DLG1: variants seen among roughly 807,000 people sequenced by gnomAD.
The protein encoded by DLG1 is disks large homolog 1.
Under a neutral mutation model 123.4 loss-of-function variants are expected in DLG1, and 42 were observed. The ratio of observed to expected loss-of-function variants is 0.34; its 90% CI spans 0.27 to 0.44. The LOEUF (loss-of-function observed/expected upper bound fraction) is 0.44, where lower values mean the gene tolerates loss of function less well. Among genes scored for constraint, DLG1 ranks in the 20% least tolerant of loss-of-function variants. DLG1 has a pLI of 1.00. For missense variants in DLG1, 942 were observed against 1,082.6 expected, an observed-to-expected ratio of 0.87 and a Z score of 1.82; for synonymous variants, 317 against 356.2, an observed-to-expected ratio of 0.89 and a Z score of 1.24.
intron 4 of DLG1, among the ~76,000 whole-genome samples, chr3:197,219,863 C>T (rs1378292640): frequency 6.6e-6 from 1 of 152,148 alleles, no homozygotes; most frequent in Non-Finnish European, 1.5e-5. Flanking sequence ...GGAAATCTCG[C>T]CGGCACTTTG....
chr3:197,221,189 C>A (rs1561527417), intron 4 of DLG1, among the ~76,000 whole-genome samples: 1 of 152,142 alleles, frequency 6.6e-6, no homozygotes, highest in Non-Finnish European at 1.5e-5. Context: ...ACTTTTGCTT[C>A]TGAAGGCTGG....
At chr3:197,156,253 T>A (rs1331760248) in intron 5 of DLG1, among the ~76,000 whole-genome samples, 1 of 152,136 alleles carries the variant, frequency 6.6e-6, no homozygotes, top group South Asian at 2.1e-4. Context: ...TAGAAGTGTC[T>A]AGGATGTTAA....
chr3:197,138,364 A>C lies in DLG1; in HGVS notation c.741T>G (p.Asn247Lys), dbSNP rs1054879513. The change falls in exon 9 of 25, where the codon AAT becomes AAG. Residue 247 changes from asparagine (N) to lysine (K), a missense_variant. Transcript: ENST00000667157. Reference protein sequence around the residue: ...LRVNDCILRVNEVDVRDVTHS... With the variant: ...LRVNDCILRVKEVDVRDVTHS... ...GTGTTACATCACGAACATCTACTTC[A>C]TTTACTCGTAATATACAGTCATTGA... The C allele has an allele frequency of 1.3e-6, 2 of 1,549,142 alleles. No individual in the cohort carries two copies. Among genetic ancestry groups the C allele is most frequent in the Non-Finnish European group, 1.8e-6 (2 of 1,140,878 alleles).
rs572714321 is a variant in DLG1, at chr3:197,190,821, T to C, written c.483+3604A>G. ...GTCAGGAGATCGAGACCATCCTGGC[T>C]AACACGGTGAAACCCCGTCTCTACT... is the stretch of plus-strand genomic sequence containing the variant. On this transcript the variant is annotated intron_variant, in intron 5 of 24. Coordinates refer to ENST00000667157, the MANE Select transcript of DLG1 (RefSeq NM_001366207.1). 1.6e-4 allele frequency among the ~76,000 whole-genome samples: 24 copies of C among 152,254 alleles called. No individual in the cohort carries two copies. The South Asian group carries it at 4.8e-3, about 30-fold the overall frequency.
intron 4 of DLG1, among the ~76,000 whole-genome samples, chr3:197,278,282 CAAAAAAAAAA>C (rs71164203): frequency 3.5e-4 from 13 of 37,526 alleles, no homozygotes; most frequent in East Asian, 1.8e-3. Context: ...GACTCTGTCC[CAAAAAAAAAA>C]AAAAAAAAAA....
At chr3:197,137,094 C>T (rs151051973) in intron 9 of DLG1, among the ~76,000 whole-genome samples, 3 of 152,136 alleles carry the variant, frequency 2.0e-5, no homozygotes, top group Non-Finnish European at 4.4e-5. Context: ...ATGTGAATAC[C>T]TTTGTTCTTC....
chr3:197,068,774 C>G (rs566034386), intron 19 of DLG1, among the ~76,000 whole-genome samples: 2 of 152,022 alleles, frequency 1.3e-5, no homozygotes, highest in South Asian at 4.2e-4. Context: ...TTCCGTTCAC[C>G]AAGTGCTGGT....
intron 5 of DLG1, among the ~76,000 whole-genome samples, chr3:197,153,447 A>ACT (rs1343750181): frequency 6.6e-6 from 1 of 152,198 alleles, no homozygotes; most frequent in African/African-American, 2.4e-5. Context: ...CCCTCAGTCA[A>ACT]CTGTGTACCG....
intron 5 of DLG1, among the ~76,000 whole-genome samples, chr3:197,158,895 A>C (rs1160334742): frequency 6.6e-6 from 1 of 152,202 alleles, no homozygotes; most frequent in South Asian, 2.1e-4. Flanking sequence ...ATAGCTTTTC[A>C]GAACTGATAG....
In DLG1 at chr3:197,246,368, T is replaced by G. The variant is rs574549761; in HGVS notation, c.318+36311A>C. ...TTCCCTGTCAGGAAACCTGGTGTGT[T>G]GAGTGAACTGTCAGTGGTTAGTGTT... On this transcript the variant is annotated intron_variant, in intron 4 of 24. Coordinates refer to ENST00000667157, the MANE Select transcript of DLG1 (RefSeq NM_001366207.1). 5.9e-5 allele frequency among the ~76,000 whole-genome samples: 9 copies of G among 152,302 alleles called. No individual in the cohort carries two copies. In the East Asian group the frequency reaches 1.7e-3, roughly 29 times the overall value.
intron 11 of DLG1, among the ~76,000 whole-genome samples, chr3:197,129,121 T>C (rs570337210): frequency 6.6e-6 from 1 of 152,356 alleles, no homozygotes; most frequent in South Asian, 2.1e-4. Flanking sequence ...GGCACTGACT[T>C]ATCCTCTCTA....
chr3:197,226,885 TTAAC>T (rs1467077000), intron 4 of DLG1, among the ~76,000 whole-genome samples: 4 of 152,234 alleles, frequency 2.6e-5, no homozygotes, highest in African/African-American at 7.2e-5. Flanking sequence ...AAAGCTATCA[TTAAC>T]TAATTACATT....
At chr3:197,297,084 G>T in intron 2 of DLG1, 102 bp downstream of exon 2, 1 of 1,268,216 alleles carries the variant, frequency 7.9e-7, no homozygotes, top group Non-Finnish European at 1.2e-6. Context: ...GGACCGTGCT[G>T]TCTCATCAAA....
chr3:197,049,367 G>C (rs978487610), intron 24 of DLG1, among the ~76,000 whole-genome samples: 1 of 152,130 alleles, frequency 6.6e-6, no homozygotes, highest in Admixed American at 6.5e-5. Context: ...GAAAACCAAA[G>C]GAAAATAAAT....
At chr3:197,189,796 G>C (rs752331113) in intron 5 of DLG1, among the ~76,000 whole-genome samples, 9 of 152,102 alleles carry the variant, frequency 5.9e-5, no homozygotes. Context: ...TTAACAAAAC[G>C]TGTCAGGAAA....
intron 18 of DLG1, chr3:197,070,502 C>A (rs1022911920): frequency 3.3e-5 from 5 of 149,772 alleles, no homozygotes; most frequent in Non-Finnish European, 7.4e-5. Context: ...GGGATCCTCC[C>A]ATCTCAGCTT....
intron 3 of DLG1, among the ~76,000 whole-genome samples, chr3:197,292,974 C>T (rs1245398389): frequency 6.6e-6 from 1 of 152,134 alleles, no homozygotes; most frequent in Non-Finnish European, 1.5e-5. Flanking sequence ...GCAGTGTCAT[C>T]TCAGATCCCA....
intron 4 of DLG1, among the ~76,000 whole-genome samples, chr3:197,242,841 T>A (rs549113137): frequency 1.8e-4 from 27 of 152,280 alleles, no homozygotes; most frequent in African/African-American, 6.5e-4. Context: ...TGATGATTCA[T>A]GCCTGTAATC....
chr3:197,139,504 A>G (rs940116407), intron 8 of DLG1, among the ~76,000 whole-genome samples: 1 of 152,222 alleles, frequency 6.6e-6, no homozygotes, highest in African/African-American at 2.4e-5. Context: ...TTGAACAACA[A>G]ACAAGGAAAT....
Sources: allele counts gnomAD v4.1 joint callset (sites outside exome capture counted in the v4.1 genomes callset), GRCh38; gene constraint gnomAD v4.1.1; transcripts MANE v1.5; gene names NCBI Gene and HGNC (gene_info 2026-07-23, HGNC 2026-07-21).